The following ROBO2 variants were observed in gnomAD, a reference collection of about 807,000 sequenced individuals.
ROBO2 encodes roundabout homolog 2.
ROBO2 carries 53 observed loss-of-function variants against 160.8 expected under a neutral mutation model. The ratio of observed to expected loss-of-function variants is 0.33; its 90% CI spans 0.26 to 0.41. The LOEUF is 0.41. Ranked by LOEUF, ROBO2 falls within the 10% of genes least tolerant of loss-of-function variation. The pLI, the probability that ROBO2 is intolerant of heterozygous loss-of-function variation, is 1.00. For missense variants in ROBO2, 1,577 were observed against 1,722.4 expected (o/e 0.92, Z 1.49); for synonymous variants, 664 against 611.7 (o/e 1.09, Z -1.26).
intron 2 of ROBO2, among the ~76,000 whole-genome samples, chr3:77,032,874 G>T (rs1166960710): frequency 1.3e-5 from 2 of 152,140 alleles, no homozygotes; most frequent in Non-Finnish European, 2.9e-5. Context: ...GATTCCATTG[G>T]CCAGAACTCA....
At chr3:77,374,677 G>A (rs567304072) in intron 2 of ROBO2, among the ~76,000 whole-genome samples, 2 of 152,206 alleles carry the variant, frequency 1.3e-5, no homozygotes, top group East Asian at 1.9e-4. Flanking sequence ...CTTTTATAGA[G>A]TTTACCATGT....
chr3:75,996,253 C>A (rs1464812985), intron 2 of ROBO2, among the ~76,000 whole-genome samples: 1 of 152,142 alleles, frequency 6.6e-6, no homozygotes, highest in Non-Finnish European at 1.5e-5. Flanking sequence ...TGGGAGGGAC[C>A]TAGTGGGAGG....
At chr3:76,463,517 A>G (rs796304085) in intron 2 of ROBO2, among the ~76,000 whole-genome samples, 10 of 152,084 alleles carry the variant, frequency 6.6e-5, no homozygotes, top group African/African-American at 2.4e-4. Context: ...CCCGGGTCTC[A>G]CTTTTGGGGA....
chr3:77,200,267 T>TTATATATA (rs144644165), intron 2 of ROBO2, among the ~76,000 whole-genome samples: 63 of 46,526 alleles, frequency 1.4e-3, no homozygotes, highest in Non-Finnish European at 2.3e-3. Context: ...CTAACATATT[T>TTATATATA]TATATATATA....
intron 2 of ROBO2, among the ~76,000 whole-genome samples, chr3:77,328,361 C>T (rs2065648676): frequency 6.6e-6 from 1 of 152,186 alleles, no homozygotes; most frequent in African/African-American, 2.4e-5. Context: ...AGACACAGAA[C>T]ACAGTTTGCT....
At chr3:76,341,504 C>CAA (rs1003765397) in intron 2 of ROBO2, among the ~76,000 whole-genome samples, 8 of 94,666 alleles carry the variant, frequency 8.5e-5, no homozygotes, top group African/African-American at 1.2e-4. Flanking sequence ...TATCTCTTTA[C>CAA]AAAAAAAAAA....
At chr3:76,272,740 A>G (rs1355275963) in intron 2 of ROBO2, among the ~76,000 whole-genome samples, 6 of 54,318 alleles carry the variant, frequency 1.1e-4, no homozygotes, top group Non-Finnish European at 2.7e-4. Flanking sequence ...AAATATATAT[A>G]TTCTCTATAT....
At chr3:76,917,202 C>G (rs578079602) in intron 2 of ROBO2, among the ~76,000 whole-genome samples, 1 of 152,252 alleles carries the variant, frequency 6.6e-6, no homozygotes, top group Non-Finnish European at 1.5e-5. Context: ...GTATGGCAAT[C>G]AAGCCTCCCA....
intron 2 of ROBO2, among the ~76,000 whole-genome samples, chr3:76,798,981 G>A (rs537082230): frequency 1.0e-3 from 155 of 152,132 alleles, no homozygotes; most frequent in African/African-American, 3.3e-3. Flanking sequence ...TTGGGAGGCC[G>A]AGGCGGGTGC....
chr3:76,971,572 G>T (rs1280003855), intron 2 of ROBO2, among the ~76,000 whole-genome samples: 2 of 152,010 alleles, frequency 1.3e-5, no homozygotes, highest in Non-Finnish European at 2.9e-5. Flanking sequence ...TAAATAAAAA[G>T]GGTACACCTG....
intron 2 of ROBO2, among the ~76,000 whole-genome samples, chr3:76,097,028 C>T (rs1053850012): frequency 4.6e-5 from 7 of 152,112 alleles, no homozygotes; most frequent in African/African-American, 1.7e-4. Flanking sequence ...CATAGATTGT[C>T]TGCTACATTA....
At chr3:77,484,026 C>T (rs2085023152) in intron 4 of ROBO2, among the ~76,000 whole-genome samples, 1 of 151,748 alleles carries the variant, frequency 6.6e-6, no homozygotes, top group African/African-American at 2.4e-5. Flanking sequence ...TTGATCATAT[C>T]AAAGATATGA....
intron 2 of ROBO2, among the ~76,000 whole-genome samples, chr3:76,170,375 C>T (rs766208264): frequency 7.2e-5 from 11 of 152,060 alleles, no homozygotes; most frequent in African/African-American, 2.2e-4. Flanking sequence ...TAACTTTTTA[C>T]GTGCAGCTAC....
intron 2 of ROBO2, among the ~76,000 whole-genome samples, chr3:76,719,334 T>C (rs1246507363): frequency 3.3e-5 from 5 of 152,162 alleles, no homozygotes; most frequent in African/African-American, 1.2e-4. Flanking sequence ...CACACACAAA[T>C]GACAATTTTA....
intron 2 of ROBO2, among the ~76,000 whole-genome samples, chr3:76,675,799 T>A (rs1407161930): frequency 1.3e-5 from 2 of 152,200 alleles, no homozygotes; most frequent in Admixed American, 6.5e-5. Context: ...TTTTTCTTAA[T>A]ATTCCAAATG....
intron 2 of ROBO2, among the ~76,000 whole-genome samples, chr3:76,293,617 G>A (rs959765401): frequency 2.0e-5 from 3 of 152,184 alleles, no homozygotes; most frequent in African/African-American, 7.2e-5. Flanking sequence ...GTGGAAGACC[G>A]TTAGCTAGCA....
intron 2 of ROBO2, among the ~76,000 whole-genome samples, chr3:76,141,432 G>A (rs552789958): frequency 2.0e-5 from 3 of 150,198 alleles, no homozygotes; most frequent in Non-Finnish European, 3.0e-5. Flanking sequence ...TGTACCCACC[G>A]AATATAATTT....
chr3:77,631,621 T>C (rs912559384), intron 23 of ROBO2: 1 of 152,114 alleles, frequency 6.6e-6, no homozygotes. Flanking sequence ...AGAAAACATA[T>C]AAAATTGTAA....
intron 2 of ROBO2, among the ~76,000 whole-genome samples, chr3:76,533,228 T>C (rs763641165): frequency 6.6e-5 from 10 of 152,300 alleles, no homozygotes; most frequent in African/African-American, 1.2e-4. Flanking sequence ...CATGTTAGGA[T>C]GTGAGGATTA....
Sources: gnomAD v4.1 joint callset for allele counts (sites outside exome capture counted in the v4.1 genomes callset) on GRCh38, gnomAD v4.1.1 for gene constraint, MANE v1.5 for transcripts, NCBI Gene and HGNC (gene_info 2026-07-23, HGNC 2026-07-21) for gene names.